Variants in PDXDC1 observed in about 807,000 individuals in gnomAD.
The protein encoded by PDXDC1 is pyridoxal-dependent decarboxylase domain-containing protein 1.
PDXDC1 carries 42 observed loss-of-function variants against 100.1 expected under a neutral mutation model. The observed-to-expected ratio is 0.42, with a 90% CI of 0.33 to 0.54. The LOEUF is 0.54. Among genes scored for constraint, PDXDC1 ranks in the 20% least tolerant of loss-of-function variants. PDXDC1 has a pLI of 0.10. For missense variants in PDXDC1, 636 were observed against 979.2 expected, an observed-to-expected ratio of 0.65 and a Z score of 4.68; for synonymous variants, 260 against 371.7, an observed-to-expected ratio of 0.70 and a Z score of 3.46.
At chr16:15,125,354 C>T in intron 16 of PDXDC1, 1 of 731,364 alleles carries the variant, frequency 1.4e-6, no homozygotes, top group South Asian at 1.6e-5. Context: ...AGCAAGGTAC[C>T]AGGGGATGTG....
chr16:15,014,338 G>T (rs1352384857), intron 8 of PDXDC1, among the ~76,000 whole-genome samples: 5 of 152,390 alleles, frequency 3.3e-5, no homozygotes, highest in Admixed American at 1.3e-4. Flanking sequence ...TGATAAACTG[G>T]AGGGGCTGCA....
At chr16:15,089,447 T>C (rs547078891) in intron 16 of PDXDC1, among the ~76,000 whole-genome samples, 1 of 152,038 alleles carries the variant, frequency 6.6e-6, no homozygotes, top group South Asian at 2.1e-4. Flanking sequence ...AAGAGTCAAG[T>C]TTTGAAGCCC....
intron 1 of PDXDC1, among the ~76,000 whole-genome samples, chr16:14,991,578 G>T (rs965148354): frequency 1.3e-5 from 2 of 151,634 alleles, no homozygotes. Flanking sequence ...CCAGGCAGTG[G>T]CACAATCTTG....
intron 16 of PDXDC1, among the ~76,000 whole-genome samples, chr16:15,098,643 C>A (rs2046438573): frequency 1.3e-5 from 2 of 152,026 alleles, no homozygotes; most frequent in African/African-American, 4.8e-5. Flanking sequence ...CTTTTGGAGG[C>A]CAAGGTGGGT....
intron 16 of PDXDC1, among the ~76,000 whole-genome samples, chr16:15,122,054 C>T (rs1276568805): frequency 1.3e-5 from 2 of 151,604 alleles, no homozygotes; most frequent in Admixed American, 6.6e-5. Context: ...ATCTGAGCTA[C>T]TCAGGAGGCT....
intron 16 of PDXDC1, chr16:15,133,938 G>C (rs1034546835): frequency 6.3e-6 from 9 of 1,436,926 alleles, no homozygotes; most frequent in Non-Finnish European, 7.6e-6. Flanking sequence ...GCCCAGCACC[G>C]TCAGCGTGAA....
the PDXDC1 span, among the ~76,000 whole-genome samples, chr16:15,144,497 G>T: frequency 6.6e-6 from 1 of 152,124 alleles, no homozygotes; most frequent in African/African-American, 2.4e-5. Context: ...CGAGGGGTGG[G>T]GGTTGCAGCC....
chr16:15,036,016 G>A lies in PDXDC1; in HGVS notation c.2108G>A (p.Gly703Asp). The A allele has an allele frequency of 6.2e-7, 1 of 1,611,620 alleles. No individual in the cohort carries two copies. The highest frequency in any genetic ancestry group is 1.1e-5 in the South Asian group (1 of 90,824). The change falls in exon 23 of 23, where the codon GGC becomes GAC. Residue 703 changes from glycine to aspartate, a missense_variant and splice_region_variant. Gly to Asp is a moderately conservative substitution (Grantham distance 94). Coordinates refer to ENST00000396410, the MANE Select transcript of PDXDC1 (RefSeq NM_015027.4). Reference protein sequence around the residue: ...SGSRTKQRLPGQKPFKRSLRG... With the variant: ...SGSRTKQRLPDQKPFKRSLRG... Reference sequence around the variant, plus strand: ...CGCAGTCTGTCTGCCCTTTCTGTAGGCCAGAAGCCTTTTAAAAGGTCCCTG... The same window carrying A: ...CGCAGTCTGTCTGCCCTTTCTGTAGACCAGAAGCCTTTTAAAAGGTCCCTG...
intron 1 of PDXDC1, among the ~76,000 whole-genome samples, chr16:14,994,501 C>G (rs1187479914): frequency 1.3e-5 from 2 of 152,410 alleles, no homozygotes; most frequent in African/African-American, 4.8e-5. Context: ...TGGTCTATAT[C>G]TCTGTATTGG....
chr16:15,144,145 C>T (rs1457624396), downstream of PDXDC1, among the ~76,000 whole-genome samples: 1 of 152,158 alleles, frequency 6.6e-6, no homozygotes, highest in East Asian at 1.9e-4. Flanking sequence ...CCAGGCCCGT[C>T]CCTCCCGAGA....
chr16:15,056,302 G>C (rs576311165), intron 16 of PDXDC1, among the ~76,000 whole-genome samples: 1 of 152,356 alleles, frequency 6.6e-6, no homozygotes, highest in South Asian at 2.1e-4. Flanking sequence ...GGAAAGGAGA[G>C]CTGCCAGGGA....
At chr16:15,068,311 G>C in intron 16 of PDXDC1, 1 of 1,552,124 alleles carries the variant, frequency 6.4e-7, no homozygotes, top group South Asian at 1.2e-5. Flanking sequence ...TTTTTTTAAA[G>C]GTACAAATAA....
chr16:15,140,932 C>A (rs1183352377), downstream of PDXDC1, among the ~76,000 whole-genome samples: 1 of 152,136 alleles, frequency 6.6e-6, no homozygotes, highest in Admixed American at 6.5e-5. Context: ...GTCACCCTCC[C>A]CACGAGTGAC....
At chr16:14,974,926 C>T (rs1478951138), upstream of PDXDC1, 2 of 1,535,330 alleles carry the variant, frequency 1.3e-6, no homozygotes, top group South Asian at 2.4e-5. Flanking sequence ...ACCGGGCATC[C>T]TCCCCCCTTC....
intron 16 of PDXDC1, chr16:15,085,735 T>G: frequency 6.2e-7 from 1 of 1,611,498 alleles, no homozygotes; most frequent in Non-Finnish European, 8.5e-7. Context: ...ATTCTGTCAT[T>G]GATCTAGACA....
intron 16 of PDXDC1, among the ~76,000 whole-genome samples, chr16:15,057,705 C>G (rs2044576726): frequency 6.6e-6 from 1 of 152,184 alleles, no homozygotes; most frequent in Non-Finnish European, 1.5e-5. Flanking sequence ...TTTGTTTCAC[C>G]TGGTACATAC....
intron 8 of PDXDC1, among the ~76,000 whole-genome samples, chr16:15,011,395 A>G (rs1384483267): frequency 2.0e-5 from 3 of 152,294 alleles, no homozygotes; most frequent in Non-Finnish European, 4.4e-5. Flanking sequence ...CTCTGTATAT[A>G]TAAATATTAA....
rs56256230 is a variant in PDXDC1, at chr16:15,007,157, C to CTTTTTTTTTTTT, written c.579+594_579+605dup. Among the ~76,000 whole-genome samples the CTTTTTTTTTTTT allele has an allele frequency of 4.1e-5, 3 of 73,920 alleles. 1 individual carries two copies. The highest frequency in any genetic ancestry group is 7.0e-5 in the Non-Finnish European group (3 of 42,654). 48.5% of individuals were successfully genotyped at this position (73,920 alleles called of 152,430 possible). ...AGAATTGCTGGATCAAAGAGCATGA[C>CTTTTTTTTTTTT]TTTTTTTTTTTTTTTTTTTTTTTTT... On this transcript the variant is annotated intron_variant, in intron 6 of 22. Transcript: ENST00000396410.
intron 8 of PDXDC1, among the ~76,000 whole-genome samples, chr16:15,013,353 A>G (rs1240599801): frequency 1.4e-5 from 2 of 146,280 alleles, no homozygotes; most frequent in Admixed American, 7.1e-5. Context: ...TATCTCAAAA[A>G]AAAAAGAAAA....
Sources: allele counts gnomAD v4.1 joint callset (sites outside exome capture counted in the v4.1 genomes callset), GRCh38; gene constraint gnomAD v4.1.1; transcripts MANE v1.5; gene names NCBI Gene and HGNC (gene_info 2026-07-23, HGNC 2026-07-21).